The following INTS12 variants were observed in gnomAD, a reference collection of about 807,000 sequenced individuals.
INTS12 encodes PHD finger protein 22.
A neutral mutation model predicts 41.6 loss-of-function variants in INTS12; 13 were observed. That is an observed-to-expected ratio of 0.31 (90% confidence interval 0.20 to 0.50). The LOEUF is 0.50. Among genes scored for constraint, INTS12 ranks in the 20% least tolerant of loss-of-function variants. The pLI, the probability that INTS12 is intolerant of heterozygous loss-of-function variation, is 0.98. For missense variants in INTS12, 432 were observed against 541.6 expected, an observed-to-expected ratio of 0.80 and a Z score of 2.01; for synonymous variants, 199 against 191.4, an observed-to-expected ratio of 1.04 and a Z score of -0.33.
At chr4:105,697,893 T>TA (rs1329783160) in intron 3 of INTS12, among the ~76,000 whole-genome samples, 1 of 151,792 alleles carries the variant, frequency 6.6e-6, no homozygotes, top group Admixed American at 6.6e-5. Context: ...CCACAAAATA[T>TA]AAAAAAATTA....
intron 7 of INTS12, among the ~76,000 whole-genome samples, chr4:105,683,858 TA>T (rs202144950): frequency 1.9e-3 from 279 of 150,468 alleles, no homozygotes; most frequent in African/African-American, 6.1e-3. Flanking sequence ...CTAAACCCAT[TA>T]AAAAAAAATG....
At chr4:105,697,719 G>C (rs939647399) in intron 3 of INTS12, among the ~76,000 whole-genome samples, 24 of 152,198 alleles carry the variant, frequency 1.6e-4, no homozygotes, top group South Asian at 4.2e-4. Context: ...ACTTAGTAAA[G>C]TGTTGAAGAA....
chr4:105,696,165 T>G (rs981628906), intron 3 of INTS12, among the ~76,000 whole-genome samples: 1 of 152,182 alleles, frequency 6.6e-6, no homozygotes, highest in Non-Finnish European at 1.5e-5. Flanking sequence ...CTACACCTAC[T>G]TAAAGTGTAA....
At chr4:105,692,233 C>T in intron 5 of INTS12, 98 bp from the exon 6 acceptor site, 2 of 1,221,358 alleles carry the variant, frequency 1.6e-6, no homozygotes, top group Non-Finnish European at 2.3e-6. Context: ...CCTGTAATCC[C>T]AGCACTTTGG....
intron 6 of INTS12, 169 bp from the exon 7 acceptor site, chr4:105,687,007 T>C (rs1731520737): frequency 1.6e-6 from 1 of 622,168 alleles, no homozygotes. Flanking sequence ...ATCATATTAA[T>C]GGTCTTACAG....
intron 1 of INTS12, among the ~76,000 whole-genome samples, chr4:105,707,049 C>T (rs1440316878): frequency 6.6e-6 from 1 of 152,118 alleles, no homozygotes; most frequent in African/African-American, 2.4e-5. Flanking sequence ...TAAGAAGATT[C>T]AGTAACTGGC....
At position 105,700,118 on chromosome 4, in the gene INTS12, A is replaced by G. The variant is rs1423686184; in HGVS notation, c.-9-104T>C. ...ATTTGTAATAGATAATACTGTACACATGATATAAAATTTAAAATCACCAAA... is the reference window on the plus strand; with the variant it reads ...ATTTGTAATAGATAATACTGTACACGTGATATAAAATTTAAAATCACCAAA... On this transcript the variant is annotated intron_variant, in intron 2 of 7. Coordinates refer to ENST00000340139, the MANE Select transcript of INTS12 (RefSeq NM_020395.4). 7.5e-6 allele frequency: 5 copies of G among 666,418 alleles called. No individual in the cohort carries two copies. In the East Asian group the frequency reaches 1.6e-4, roughly 22 times the overall value. 41.3% of individuals were successfully genotyped at this position (666,418 alleles called of 1,614,324 possible).
At chr4:105,708,037 A>C (rs1732361379) in intron 1 of INTS12, 1 of 985,308 alleles carries the variant, frequency 1.0e-6, no homozygotes, top group African/African-American at 1.7e-5. Flanking sequence ...GCTCTAAAAA[A>C]CTTTGTTCTT....
intron 6 of INTS12, among the ~76,000 whole-genome samples, chr4:105,688,177 T>C (rs977442981): frequency 2.0e-5 from 3 of 152,200 alleles, no homozygotes; most frequent in Non-Finnish European, 4.4e-5. Flanking sequence ...TTCATCATTA[T>C]TATTTACAAA....
intron 1 of INTS12, chr4:105,705,451 C>T (rs931027082): frequency 6.6e-6 from 1 of 152,162 alleles, no homozygotes; most frequent in East Asian, 1.9e-4. Flanking sequence ...ATAAAGTGCA[C>T]AATAAATGTA....
At chr4:105,692,775 A>G (rs1225752547) in intron 5 of INTS12, among the ~76,000 whole-genome samples, 1 of 152,130 alleles carries the variant, frequency 6.6e-6, no homozygotes, top group Admixed American at 6.5e-5. Context: ...TTGTATCTCC[A>G]TTAAATTCCC....
intron 1 of INTS12, among the ~76,000 whole-genome samples, chr4:105,707,693 T>C (rs1732340849): frequency 6.6e-6 from 1 of 152,224 alleles, no homozygotes; most frequent in South Asian, 2.1e-4. Flanking sequence ...AATTCATTAA[T>C]CCCACTGGTC....
At chr4:105,683,407 C>T (rs1731394400) in intron 7 of INTS12, 90 bp from the exon 8 acceptor site, 4 of 954,080 alleles carry the variant, frequency 4.2e-6, no homozygotes, top group Non-Finnish European at 4.5e-6. Flanking sequence ...AAATTTAAAT[C>T]ACACCACCAA....
At chr4:105,701,990 C>A (rs937365693) in intron 2 of INTS12, among the ~76,000 whole-genome samples, 1 of 152,104 alleles carries the variant, frequency 6.6e-6, no homozygotes, top group African/African-American at 2.4e-5. Flanking sequence ...GGAGTCAGTT[C>A]TTTTTATGCA....
At chr4:105,707,121 A>AT (rs896717885) in intron 1 of INTS12, among the ~76,000 whole-genome samples, 35 of 151,766 alleles carry the variant, frequency 2.3e-4, no homozygotes, top group Middle Eastern at 3.4e-3. Context: ...TGCCACTCTT[A>AT]TTTTTTTTGT....
chr4:105,694,973 G>A (rs1000169514), intron 4 of INTS12, among the ~76,000 whole-genome samples: 1 of 151,812 alleles, frequency 6.6e-6, no homozygotes, highest in African/African-American at 2.4e-5. Flanking sequence ...CACCCAGGCT[G>A]GAGTGCAGTG....
Position 105,708,644 on chromosome 4 carries a change from GC to G in INTS12, c.-179del. The G allele has an allele frequency of 1.0e-6, 1 of 968,992 alleles. No homozygotes were observed. The highest frequency in any genetic ancestry group is 1.2e-6 in the Non-Finnish European group (1 of 815,598). The allele number at this position is 968,992 out of a possible 1,614,324, so 60.0% of individuals were successfully genotyped here. ...GTCGCTCAGCATAACTCACCGTTCCGCCCCGCCCTGCCGATCCGTCTGTTCC... is the reference window on the plus strand; with the variant it reads ...GTCGCTCAGCATAACTCACCGTTCCGCCCGCCCTGCCGATCCGTCTGTTCC... On this transcript the variant is annotated 5_prime_UTR_variant, in exon 1 of 8. Coordinates refer to ENST00000340139, the MANE Select transcript of INTS12 (RefSeq NM_020395.4).
chr4:105,699,830 C>T lies in INTS12; in HGVS notation c.156+20G>A, dbSNP rs777288650. The T allele has an allele frequency of 2.0e-6, 3 of 1,466,048 alleles. No homozygotes were observed. Among genetic ancestry groups the T allele is most frequent in the Non-Finnish European group, 2.7e-6 (3 of 1,092,182 alleles). The allele number at this position is 1,466,048 out of a possible 1,614,324, so 90.8% of individuals were successfully genotyped here. On this transcript the variant is annotated intron_variant, in intron 3 of 7. Transcript: ENST00000340139. ...CAGGCCTTACAAAACTCTCTCCAAG[C>T]TTTTTATTCATTCAAGTACCTTTTG... is the stretch of plus-strand genomic sequence containing the variant.
At chr4:105,702,089 TAC>T (rs972451302) in intron 2 of INTS12, among the ~76,000 whole-genome samples, 31 of 150,860 alleles carry the variant, frequency 2.1e-4, no homozygotes, top group Middle Eastern at 3.5e-3. Flanking sequence ...CATGGTGGAA[TAC>T]AGAGAAAAAA....
Sources: gnomAD v4.1 joint callset for allele counts (sites outside exome capture counted in the v4.1 genomes callset) on GRCh38, gnomAD v4.1.1 for gene constraint, MANE v1.5 for transcripts, NCBI Gene and HGNC (gene_info 2026-07-23, HGNC 2026-07-21) for gene names.